The following MED13L variants were observed in gnomAD, a reference collection of about 807,000 sequenced individuals.
MED13L encodes mediator complex subunit 13L.
MED13L carries 7 observed loss-of-function variants against 220.9 expected under a neutral mutation model. That is an observed-to-expected ratio of 0.03 (90% CI 0.02 to 0.06). The LOEUF (loss-of-function observed/expected upper bound fraction) is 0.06. Among genes scored for constraint, MED13L ranks in the 10% least tolerant of loss-of-function variants. MED13L has a pLI of 1.00. For synonymous variants in MED13L, 1,011 were observed against 1,015.2 expected (o/e 1.00, Z 0.08); for missense variants, 1,965 against 2,760.5 (o/e 0.71, Z 6.46).
At chr12:116,153,937 T>A (rs1878245404) in intron 2 of MED13L, among the ~76,000 whole-genome samples, 1 of 152,116 alleles carries the variant, frequency 6.6e-6, no homozygotes, top group African/African-American at 2.4e-5. Flanking sequence ...CCTTAATGCG[T>A]ATACACAAAT....
chr12:116,202,051 T>A (rs1234217088), intron 2 of MED13L, among the ~76,000 whole-genome samples: 2 of 152,306 alleles, frequency 1.3e-5, no homozygotes, highest in East Asian at 3.9e-4. Context: ...TCAATTCAAG[T>A]CACATTCCTA....
At chr12:115,978,659 A>G (rs952331320) in intron 23 of MED13L, among the ~76,000 whole-genome samples, 1 of 152,134 alleles carries the variant, frequency 6.6e-6, no homozygotes, top group Non-Finnish European at 1.5e-5. Flanking sequence ...GAATTTCGTG[A>G]TATGTGAATT....
chr12:116,055,182 A>G (rs184727302), intron 4 of MED13L, among the ~76,000 whole-genome samples: 14 of 152,338 alleles, frequency 9.2e-5, no homozygotes, highest in Non-Finnish European at 2.1e-4. Context: ...AAGAGGCATA[A>G]GGGGTGCTTC....
At chr12:116,185,497 A>T (rs1167560540) in intron 2 of MED13L, among the ~76,000 whole-genome samples, 1 of 152,162 alleles carries the variant, frequency 6.6e-6, no homozygotes, top group Non-Finnish European at 1.5e-5. Context: ...AATCAACAGG[A>T]CTGCTGACCA....
chr12:116,229,547 A>G (rs1403003927), intron 2 of MED13L, among the ~76,000 whole-genome samples: 1 of 152,182 alleles, frequency 6.6e-6, no homozygotes, highest in Non-Finnish European at 1.5e-5. Context: ...AACTAATTAC[A>G]TGGTTCAGTA....
At chr12:115,968,052 G>GCC (rs1876307656) in intron 28 of MED13L, among the ~76,000 whole-genome samples, 3 of 35,682 alleles carry the variant, frequency 8.4e-5, no homozygotes, top group Non-Finnish European at 1.5e-4. Context: ...GGGAATAAAA[G>GCC]TCCCCCCCCC....
At chr12:116,121,297 T>C (rs1182521021) in intron 2 of MED13L, among the ~76,000 whole-genome samples, 4 of 152,184 alleles carry the variant, frequency 2.6e-5, no homozygotes, top group Non-Finnish European at 5.9e-5. Flanking sequence ...AATTGCAATA[T>C]AACTTCTTTC....
chr12:116,135,903 CTTT>C (rs772070607), intron 2 of MED13L, among the ~76,000 whole-genome samples: 24 of 139,818 alleles, frequency 1.7e-4, no homozygotes, highest in Non-Finnish European at 1.7e-4. Context: ...CAAAGATTCC[CTTT>C]TTTTTTTTTT....
intron 2 of MED13L, among the ~76,000 whole-genome samples, chr12:116,200,610 C>T (rs1440354197): frequency 6.6e-6 from 1 of 152,156 alleles, no homozygotes; most frequent in African/African-American, 2.4e-5. Context: ...AATGAGCCTA[C>T]ACCCCACAAG....
At chr12:116,008,373 G>A (rs758050662) in intron 10 of MED13L, 28 bp downstream of exon 10, 24 of 1,585,112 alleles carry the variant, frequency 1.5e-5, no homozygotes, top group South Asian at 4.6e-5. Context: ...TCCGGTGGAC[G>A]GGTGGGTGGT....
chr12:116,199,868 C>A (rs1004392402), intron 2 of MED13L, among the ~76,000 whole-genome samples: 1 of 152,006 alleles, frequency 6.6e-6, no homozygotes, highest in African/African-American at 2.4e-5. Flanking sequence ...GAGCATCAGT[C>A]AGAAGGACAA....
At chr12:116,200,332 G>C (rs1199410556) in intron 2 of MED13L, among the ~76,000 whole-genome samples, 2 of 151,862 alleles carry the variant, frequency 1.3e-5, no homozygotes, top group Non-Finnish European at 2.9e-5. Flanking sequence ...ACAATCTAGT[G>C]TACTATAGCC....
At chr12:116,146,541 G>T (rs1877529579) in intron 2 of MED13L, among the ~76,000 whole-genome samples, 1 of 151,772 alleles carries the variant, frequency 6.6e-6, no homozygotes. Context: ...GAAACCGAAA[G>T]ATTGGACACC....
intron 29 of MED13L, among the ~76,000 whole-genome samples, chr12:115,964,552 A>G (rs116835356): frequency 0.014 from 2,182 of 152,172 alleles, 59 homozygotes; most frequent in African/African-American, 0.05. Flanking sequence ...TATTTTTCAG[A>G]CTGAGTTGAT....
In MED13L at chr12:115,983,187, T is replaced by A; in HGVS notation, c.4885A>T (p.Asn1629Tyr). The A allele has an allele frequency of 6.2e-7, 1 of 1,614,166 alleles. No homozygotes were observed. Among genetic ancestry groups the A allele is most frequent in the Non-Finnish European group, 8.5e-7 (1 of 1,180,022 alleles). The change falls in exon 21 of 31, where the codon AAC (asparagine) becomes TAC (tyrosine). Residue 1629 changes from asparagine (N) to tyrosine (Y), a missense_variant. Physicochemically the swap from Asn to Tyr is moderately radical, Grantham distance 143. Coordinates refer to ENST00000281928, the MANE Select transcript of MED13L (RefSeq NM_015335.5). ...TCAGTGTCTCCACCACAGCCTATGT[T>A]CCCTTGCGTTCTATCCGCAGAAATG... ...GGISADRTQGNIGCGGDTDPG... is the reference protein window; with the variant it reads ...GGISADRTQGYIGCGGDTDPG...
chr12:116,149,484 T>G (rs768012169), intron 2 of MED13L, among the ~76,000 whole-genome samples: 45 of 152,238 alleles, frequency 3.0e-4, no homozygotes, highest in Non-Finnish European at 5.4e-4. Flanking sequence ...TTTTTAATTC[T>G]CATTTGACAA....
intron 14 of MED13L, among the ~76,000 whole-genome samples, chr12:115,998,306 G>A (rs1278671935): frequency 2.6e-5 from 4 of 152,182 alleles, no homozygotes; most frequent in African/African-American, 9.6e-5. Flanking sequence ...TTAAATCAGT[G>A]ATTTAATGTC....
chr12:116,016,130 A>G (rs1879708639), intron 7 of MED13L, among the ~76,000 whole-genome samples: 1 of 152,142 alleles, frequency 6.6e-6, no homozygotes, highest in Admixed American at 6.5e-5. Context: ...CACCTATTTG[A>G]CTTAGTAAGT....
intron 9 of MED13L, among the ~76,000 whole-genome samples, chr12:116,012,081 T>C (rs1406520167): frequency 6.6e-6 from 1 of 152,200 alleles, no homozygotes; most frequent in Non-Finnish European, 1.5e-5. Flanking sequence ...GAAGCAGGGC[T>C]ACTCAAAATA....
Sources: allele counts gnomAD v4.1 joint callset (sites outside exome capture counted in the v4.1 genomes callset), GRCh38; gene constraint gnomAD v4.1.1; transcripts MANE v1.5; gene names NCBI Gene and HGNC (gene_info 2026-07-23, HGNC 2026-07-21).